The following DMD variants were observed in gnomAD, a reference collection of about 807,000 sequenced individuals.
DMD encodes mutant dystrophin.
Under a neutral mutation model 330.1 loss-of-function variants are expected in DMD, and 63 were observed. The ratio of observed to expected loss-of-function variants is 0.19; its 90% confidence interval spans 0.16 to 0.24. The LOEUF (loss-of-function observed/expected upper bound fraction) is 0.24, where lower values mean the gene tolerates loss of function less well. DMD is among the 10% of genes least tolerant of loss of function. The probability of loss-of-function intolerance (pLI) is 1.00; values close to 1 mark genes in which losing one functional copy is unlikely to be tolerated. For synonymous variants in DMD, 1,223 were observed against 959.8 expected, an observed-to-expected ratio of 1.27 and a Z score of -5.07; for missense variants, 3,344 against 2,684.1, an observed-to-expected ratio of 1.25 and a Z score of -5.43.
chrX:32,081,785 C>T (rs1199050912), intron 44 of DMD, among the ~76,000 whole-genome samples: 5 of 110,673 alleles, frequency 4.5e-5, no homozygotes, highest in East Asian at 2.8e-4. Flanking sequence ...ACCCATAAGG[C>T]GGAAATTACA....
intron 52 of DMD, 108 bp from the exon 53 acceptor site, chrX:31,679,694 A>C: frequency 1.4e-6 from 1 of 689,678 alleles, no homozygotes; most frequent in Non-Finnish European, 2.2e-6. Flanking sequence ...TTATTTAAAA[A>C]ATTATTCATT....
intron 48 of DMD, among the ~76,000 whole-genome samples, chrX:31,857,378 CGGAAAAAAAA>C (rs2093630432): frequency 3.2e-5 from 1 of 31,259 alleles, no homozygotes; most frequent in African/African-American, 2.5e-4. Context: ...GACTCCACCT[CGGAAAAAAAA>C]AAAAAAAAAA....
chrX:32,116,948 A>T (rs2096613348), intron 44 of DMD, among the ~76,000 whole-genome samples: 1 of 111,702 alleles, frequency 9.0e-6, no homozygotes, highest in African/African-American at 3.3e-5. Context: ...CTCTGAATAA[A>T]CTTTGTCTTT....
chrX:31,268,807 C>G (rs1303723638), intron 62 of DMD, among the ~76,000 whole-genome samples: 1 of 112,033 alleles, frequency 8.9e-6, no homozygotes, highest in Non-Finnish European at 1.9e-5. Context: ...ATTTGTAACA[C>G]CTGGATAGTA....
At chrX:32,718,156 G>A (rs189747176) in intron 7 of DMD, among the ~76,000 whole-genome samples, 172 of 111,050 alleles carry the variant, frequency 1.5e-3, no homozygotes, top group Middle Eastern at 9.2e-3. Context: ...AGATTTGGGA[G>A]GGGTTGGGGC....
chrX:33,093,709 G>T (rs2095116253), intron 1 of DMD, among the ~76,000 whole-genome samples: 1 of 111,471 alleles, frequency 9.0e-6, no homozygotes, highest in Non-Finnish European at 1.9e-5. Flanking sequence ...TGTTTTGATT[G>T]AAACGGTGTA....
chrX:32,837,020 A>G (rs765298201), intron 4 of DMD, among the ~76,000 whole-genome samples: 15 of 111,191 alleles, frequency 1.3e-4, no homozygotes, highest in East Asian at 2.8e-4. Context: ...TTAGTCCCCA[A>G]ATTAGCCAGA....
intron 44 of DMD, among the ~76,000 whole-genome samples, chrX:32,039,340 C>A (rs770007466): frequency 9.0e-6 from 1 of 111,422 alleles, no homozygotes; most frequent in African/African-American, 3.3e-5. Flanking sequence ...AACAAAAAAT[C>A]AATTATTTGC....
At chrX:31,622,846 TTA>T (rs757102035) in intron 55 of DMD, among the ~76,000 whole-genome samples, 9,940 of 73,734 alleles carry the variant, frequency 0.13, 566 homozygotes, top group African/African-American at 0.15. Flanking sequence ...CAGAAAAATT[TTA>T]TATATATATA....
At chrX:32,669,842 T>TA (rs1462535293) in intron 9 of DMD, among the ~76,000 whole-genome samples, 1 of 111,306 alleles carries the variant, frequency 9.0e-6, no homozygotes, top group African/African-American at 3.3e-5. Flanking sequence ...GAATAAAATG[T>TA]ATCTCCTTGA....
At chrX:32,445,760 T>C (rs141367115) in intron 27 of DMD, among the ~76,000 whole-genome samples, 1,802 of 110,590 alleles carry the variant, frequency 0.016, 42 homozygotes, top group African/African-American at 0.056. Context: ...AAGGAATACA[T>C]AGAATTAATC....
chrX:32,448,727 A>C (rs1428129883), intron 26 of DMD, 89 bp from the exon 27 acceptor site: 18 of 816,021 alleles, frequency 2.2e-5, no homozygotes, highest in Non-Finnish European at 3.1e-5. Flanking sequence ...TCTTTCTCAC[A>C]ACATCCCAGT....
intron 45 of DMD, among the ~76,000 whole-genome samples, chrX:31,955,003 CAA>C (rs530305580): frequency 0.093 from 5,589 of 60,166 alleles, 213 homozygotes; most frequent in African/African-American, 0.12. Context: ...CTGCCTCTAC[CAA>C]AAAAAAAAAA....
intron 62 of DMD, among the ~76,000 whole-genome samples, chrX:31,284,611 T>TCTTCTTC (rs2053015381): frequency 3.1e-5 from 1 of 31,756 alleles, no homozygotes; most frequent in African/African-American, 8.7e-5. Flanking sequence ...TCTTCTTTTT[T>TCTTCTTC]TTGGCAGAGG....
At chrX:31,886,079 T>C (rs964297034) in intron 47 of DMD, among the ~76,000 whole-genome samples, 7 of 111,068 alleles carry the variant, frequency 6.3e-5, no homozygotes, top group Non-Finnish European at 1.1e-4. Context: ...GAATTTTCAA[T>C]TCCAATAAGT....
intron 50 of DMD, among the ~76,000 whole-genome samples, chrX:31,809,949 T>C (rs185630252): frequency 1.6e-3 from 181 of 111,469 alleles, no homozygotes; most frequent in African/African-American, 5.7e-3. Context: ...GTCCAGATTC[T>C]GCCACTAAAC....
chrX:31,335,163 G>A (rs184639594), intron 61 of DMD, among the ~76,000 whole-genome samples: 74 of 112,157 alleles, frequency 6.6e-4, no homozygotes, highest in Middle Eastern at 4.6e-3. Flanking sequence ...ATTTACTGCC[G>A]TTTCCCCAGT....
chrX:32,467,202 C>A (rs1057218515), intron 23 of DMD, among the ~76,000 whole-genome samples: 1 of 112,371 alleles, frequency 8.9e-6, no homozygotes, highest in Non-Finnish European at 1.9e-5. Context: ...AGCAGCTAGA[C>A]TGGGATTTAA....
At chrX:32,850,948 A>C (rs926811617) in intron 2 of DMD, among the ~76,000 whole-genome samples, 19 of 111,311 alleles carry the variant, frequency 1.7e-4, no homozygotes, top group African/African-American at 6.3e-4. Context: ...CCTAAAAGGT[A>C]CTATTACATA....
Sources: gnomAD v4.1 joint callset for allele counts (sites outside exome capture counted in the v4.1 genomes callset) on GRCh38, gnomAD v4.1.1 for gene constraint, MANE v1.5 for transcripts, NCBI Gene and HGNC (gene_info 2026-07-23, HGNC 2026-07-21) for gene names.